Variants in PTPRD observed in about 807,000 individuals in gnomAD.
The protein encoded by PTPRD is protein tyrosine phosphatase receptor type D.
In PTPRD, 34 loss-of-function variants were observed where a neutral mutation model predicts 214.5. The ratio of observed to expected loss-of-function variants is 0.16; its 90% confidence interval spans 0.12 to 0.21. The LOEUF is 0.21. PTPRD is among the 10% of genes least tolerant of loss of function. PTPRD has a pLI of 1.00. For missense variants in PTPRD, 2,545 were observed against 2,398.7 expected, an observed-to-expected ratio of 1.06 and a Z score of -1.27; for synonymous variants, 1,128 against 845.7, an observed-to-expected ratio of 1.33 and a Z score of -5.79.
chr9:9,558,885 A>G (rs144842342), intron 8 of PTPRD, among the ~76,000 whole-genome samples: 147 of 152,210 alleles, frequency 9.7e-4, no homozygotes, highest in African/African-American at 3.4e-3. Context: ...AGGCCCCATG[A>G]CCTTAGGCCC....
chr9:9,206,131 G>C (rs904620001), intron 9 of PTPRD, among the ~76,000 whole-genome samples: 17 of 152,198 alleles, frequency 1.1e-4, no homozygotes, highest in Admixed American at 9.8e-4. Context: ...TAGAAGGCTT[G>C]TGCCTAGAAC....
At chr9:9,518,230 C>G (rs1409741141) in intron 8 of PTPRD, among the ~76,000 whole-genome samples, 1 of 152,012 alleles carries the variant, frequency 6.6e-6, no homozygotes, top group Non-Finnish European at 1.5e-5. Flanking sequence ...AAGTTAGAGA[C>G]AAAGCAGACC....
At chr9:9,830,475 T>C (rs1363956477) in intron 5 of PTPRD, among the ~76,000 whole-genome samples, 1 of 151,864 alleles carries the variant, frequency 6.6e-6, no homozygotes, top group Non-Finnish European at 1.5e-5. Context: ...CATATGTACA[T>C]TTACCTTGTT....
In PTPRD at chr9:9,257,025, T is replaced by C. The variant is rs12238864; in HGVS notation, c.-202-73662A>G. Among the ~76,000 whole-genome samples the C allele has an allele frequency of 7.0e-4, 106 of 152,098 alleles. 2 individuals are homozygous for C. In the East Asian group the frequency reaches 0.019, roughly 28 times the overall value. ...TTCTTTAAGGGTTGTTCCCTCTTTC[T>C]CTCTCTGTGTCTTGTATCATATTAG... On this transcript the variant is annotated intron_variant, in intron 9 of 45. Coordinates refer to ENST00000381196, the MANE Select transcript of PTPRD (RefSeq NM_002839.4).
chr9:10,378,973 G>T (rs1469579351), intron 2 of PTPRD, among the ~76,000 whole-genome samples: 1 of 151,686 alleles, frequency 6.6e-6, no homozygotes, highest in Non-Finnish European at 1.5e-5. Flanking sequence ...CCATTTTTTG[G>T]TGTCCTCTTC....
chr9:9,373,821 T>C (rs1171196085), intron 9 of PTPRD, among the ~76,000 whole-genome samples: 1 of 152,162 alleles, frequency 6.6e-6, no homozygotes, highest in South Asian at 2.1e-4. Context: ...CTCTGGGGAC[T>C]TTTTTCAGCC....
At chr9:8,853,888 A>G (rs1362203060) in intron 11 of PTPRD, among the ~76,000 whole-genome samples, 2 of 152,230 alleles carry the variant, frequency 1.3e-5, no homozygotes, top group African/African-American at 2.4e-5. Flanking sequence ...GAAAGATGAA[A>G]TAACAACAAA....
intron 36 of PTPRD, among the ~76,000 whole-genome samples, chr9:8,395,753 A>G (rs1416821411): frequency 1.3e-5 from 2 of 151,994 alleles, no homozygotes; most frequent in East Asian, 3.9e-4. Context: ...TCATTAATGT[A>G]TGTCTTCCTC....
intron 3 of PTPRD, among the ~76,000 whole-genome samples, chr9:10,327,467 G>A (rs1354764374): frequency 2.0e-5 from 3 of 151,220 alleles, no homozygotes; most frequent in Non-Finnish European, 3.0e-5. Context: ...AAGGTCTCAC[G>A]TGTGTGTGTA....
At position 8,500,808 on chromosome 9, in the gene PTPRD, C is replaced by A. The variant is rs376837190; in HGVS notation, c.2074G>T (p.Asp692Tyr). 2 of 1,614,146 alleles carry A rather than the reference C, an allele frequency of 1.2e-6. No homozygotes were observed. The highest frequency in any genetic ancestry group is 1.1e-5 in the South Asian group (1 of 91,084). Residue 692 changes from aspartate (D) to tyrosine (Y), a missense_variant, in exon 24 of 46, where the codon GAT becomes TAT. Physicochemically the swap from Asp to Tyr is radical, Grantham distance 160. Coordinates refer to ENST00000381196, the MANE Select transcript of PTPRD (RefSeq NM_002839.4). Reference sequence around the variant, plus strand: ...AAGCTCTCAGGGCCAGGGCCGACATCTGTATGGGCTGTCACAGTGATCCGG... The same window carrying A: ...AAGCTCTCAGGGCCAGGGCCGACATATGTATGGGCTGTCACAGTGATCCGG... The part of the protein sequence containing the change: ...EYRITVTAHT[D>Y]VGPGPESLSV...
At chr9:9,115,489 C>T (rs918445041) in intron 10 of PTPRD, among the ~76,000 whole-genome samples, 3 of 152,078 alleles carry the variant, frequency 2.0e-5, no homozygotes, top group Non-Finnish European at 2.9e-5. Flanking sequence ...TAGACGCTTG[C>T]ATGAATGAAG....
intron 9 of PTPRD, among the ~76,000 whole-genome samples, chr9:9,395,736 G>A (rs1180134144): frequency 6.6e-6 from 1 of 151,930 alleles, no homozygotes; most frequent in African/African-American, 2.4e-5. Context: ...CAAATAGACT[G>A]GAAAGCATTC....
chr9:8,996,610 A>T (rs1346728442), intron 11 of PTPRD, among the ~76,000 whole-genome samples: 2 of 152,006 alleles, frequency 1.3e-5, no homozygotes, highest in African/African-American at 4.8e-5. Context: ...GAAGTCCAAG[A>T]CCAAGGCACC....
At chr9:8,890,793 G>T in intron 11 of PTPRD, among the ~76,000 whole-genome samples, 1 of 152,156 alleles carries the variant, frequency 6.6e-6, no homozygotes, top group Non-Finnish European at 1.5e-5. Context: ...TGGTCTCTAG[G>T]AAGCAAGGTG....
At chr9:9,237,460 T>C (rs1422496375) in intron 9 of PTPRD, among the ~76,000 whole-genome samples, 1 of 151,850 alleles carries the variant, frequency 6.6e-6, no homozygotes, top group African/African-American at 2.4e-5. Flanking sequence ...CCAACAACTA[T>C]CCTTATCTCA....
chr9:10,428,731 A>G (rs150157850), intron 2 of PTPRD, among the ~76,000 whole-genome samples: 1 of 152,188 alleles, frequency 6.6e-6, no homozygotes, highest in Non-Finnish European at 1.5e-5. Flanking sequence ...GGAATATTCT[A>G]TTTGGTCCAT....
intron 14 of PTPRD, among the ~76,000 whole-genome samples, chr9:8,626,521 A>G (rs2096044184): frequency 6.6e-6 from 1 of 151,842 alleles, no homozygotes; most frequent in Non-Finnish European, 1.5e-5. Flanking sequence ...GTGCTCAAAT[A>G]TTTGGTCAAA....
intron 2 of PTPRD, among the ~76,000 whole-genome samples, chr9:10,610,417 G>A (rs1021014269): frequency 5.3e-5 from 8 of 152,040 alleles, no homozygotes; most frequent in Admixed American, 3.9e-4. Context: ...TGTAAAATAT[G>A]TCCTATACTA....
At chr9:9,534,839 G>A (rs2076203540) in intron 8 of PTPRD, among the ~76,000 whole-genome samples, 1 of 151,926 alleles carries the variant, frequency 6.6e-6, no homozygotes, top group Admixed American at 6.6e-5. Context: ...TGTCTTTAAA[G>A]TGTGACTACA....
Sources: allele counts gnomAD v4.1 joint callset (sites outside exome capture counted in the v4.1 genomes callset), GRCh38; gene constraint gnomAD v4.1.1; transcripts MANE v1.5; gene names NCBI Gene and HGNC (gene_info 2026-07-23, HGNC 2026-07-21).